Variants in CNOT4 observed in about 807,000 individuals in gnomAD.
The protein encoded by CNOT4 is CCR4-NOT transcription complex subunit 4, also known as CCR4-associated factor 4.
In CNOT4, 8 loss-of-function variants were observed where a neutral mutation model predicts 73.8. That is an observed-to-expected ratio of 0.11 (90% CI 0.06 to 0.20). The LOEUF is 0.20. Ranked by LOEUF, CNOT4 falls within the 10% of genes least tolerant of loss-of-function variation. CNOT4 has a pLI of 1.00. For synonymous variants in CNOT4, 293 were observed against 321.1 expected, an observed-to-expected ratio of 0.91 and a Z score of 0.94; for missense variants, 564 against 883.4, an observed-to-expected ratio of 0.64 and a Z score of 4.58.
chr7:135,425,067 A>G (rs1022315739), intron 2 of CNOT4, among the ~76,000 whole-genome samples: 2 of 152,202 alleles, frequency 1.3e-5, no homozygotes, highest in South Asian at 2.1e-4. Context: ...GCAGAATAAG[A>G]TATTTTTCAA....
intron 6 of CNOT4, among the ~76,000 whole-genome samples, chr7:135,412,625 C>G (rs1052871703): frequency 1.8e-4 from 28 of 151,840 alleles, no homozygotes; most frequent in Non-Finnish European, 3.2e-4. Flanking sequence ...TCTGTACTAG[C>G]TCCAAGTCAA....
chr7:135,406,810 G>GT (rs1207864305), intron 7 of CNOT4, among the ~76,000 whole-genome samples: 1 of 152,138 alleles, frequency 6.6e-6, no homozygotes, highest in Non-Finnish European at 1.5e-5. Context: ...TACCAAAACA[G>GT]TTATGAATGT....
At chr7:135,395,574 T>C (rs1056517570) in intron 9 of CNOT4, 60 bp downstream of exon 9, 2 of 1,522,910 alleles carry the variant, frequency 1.3e-6, no homozygotes, top group Non-Finnish European at 1.8e-6. Flanking sequence ...AGTTTCATGT[T>C]AGTCTGTCAA....
intron 1 of CNOT4, among the ~76,000 whole-genome samples, chr7:135,506,811 GCACTC>G (rs1804402933): frequency 6.6e-6 from 1 of 150,936 alleles, no homozygotes. Context: ...TCGCACCACT[GCACTC>G]CAGCCTGAGT....
At chr7:135,426,008 G>A (rs1464481376) in intron 2 of CNOT4, among the ~76,000 whole-genome samples, 1 of 151,588 alleles carries the variant, frequency 6.6e-6, no homozygotes, top group African/African-American at 2.4e-5. Flanking sequence ...TAGGAGGATT[G>A]CAAGACAGCC....
At chr7:135,399,887 T>C (rs1446536210) in intron 7 of CNOT4, among the ~76,000 whole-genome samples, 2 of 152,078 alleles carry the variant, frequency 1.3e-5, no homozygotes, top group African/African-American at 4.8e-5. Flanking sequence ...CCACTAAGTT[T>C]AGAAGTATTT....
chr7:135,370,779 A>C (rs1419442124), intron 10 of CNOT4, among the ~76,000 whole-genome samples: 1 of 152,190 alleles, frequency 6.6e-6, no homozygotes, highest in Non-Finnish European at 1.5e-5. Flanking sequence ...CTCTCCAAAA[A>C]GATGCAAAGC....
At chr7:135,437,252 C>T (rs1799210769) in intron 2 of CNOT4, among the ~76,000 whole-genome samples, 1 of 151,704 alleles carries the variant, frequency 6.6e-6, no homozygotes, top group Non-Finnish European at 1.5e-5. Flanking sequence ...TGCTGTGGCA[C>T]GATCTCGGCT....
intron 2 of CNOT4, among the ~76,000 whole-genome samples, chr7:135,428,696 G>C (rs964270943): frequency 1.3e-5 from 2 of 151,886 alleles, no homozygotes; most frequent in African/African-American, 4.8e-5. Context: ...AAGAGATTAA[G>C]AGACATAGAA....
chr7:135,417,958 C>A (rs1368764738), intron 3 of CNOT4, among the ~76,000 whole-genome samples: 2 of 152,210 alleles, frequency 1.3e-5, no homozygotes, highest in East Asian at 3.8e-4. Context: ...GCACACAACA[C>A]TTCTCATATT....
chr7:135,388,991 T>C, intron 10 of CNOT4: 3 of 1,141,314 alleles, frequency 2.6e-6, no homozygotes, highest in East Asian at 2.6e-5. Flanking sequence ...GATACATATA[T>C]AAAATACATG....
At chr7:135,373,217 T>C (rs983640955) in intron 10 of CNOT4, among the ~76,000 whole-genome samples, 2 of 152,344 alleles carry the variant, frequency 1.3e-5, no homozygotes, top group African/African-American at 4.8e-5. Flanking sequence ...AAGCTATGTT[T>C]TGAATAAGGG....
At chr7:135,403,489 C>T (rs909501878) in intron 7 of CNOT4, among the ~76,000 whole-genome samples, 9 of 152,244 alleles carry the variant, frequency 5.9e-5, no homozygotes, top group African/African-American at 1.7e-4. Flanking sequence ...TGTAGCACTA[C>T]GTGCCTATAG....
At chr7:135,437,139 T>C (rs190182585) in intron 2 of CNOT4, among the ~76,000 whole-genome samples, 58 of 152,274 alleles carry the variant, frequency 3.8e-4, no homozygotes, top group African/African-American at 1.2e-3. Flanking sequence ...ATAAAACCCA[T>C]AGAATATTAA....
intron 10 of CNOT4, chr7:135,384,445 C>G (rs1179515014): frequency 4.5e-6 from 2 of 442,620 alleles, no homozygotes; most frequent in Admixed American, 7.5e-5. Flanking sequence ...CCACCACGCC[C>G]AGCTAATTTT....
At chr7:135,455,382 G>A (rs1326376436) in intron 1 of CNOT4, among the ~76,000 whole-genome samples, 1 of 151,930 alleles carries the variant, frequency 6.6e-6, no homozygotes, top group Non-Finnish European at 1.5e-5. Context: ...GAAAATAATG[G>A]TCAATACATA....
At chr7:135,421,503 G>GA (rs1182908851) in intron 3 of CNOT4, among the ~76,000 whole-genome samples, 1 of 152,112 alleles carries the variant, frequency 6.6e-6, no homozygotes, top group Admixed American at 6.5e-5. Context: ...GGGCCTCAAG[G>GA]AAAGTATGAG....
At chr7:135,435,837 C>A (rs1799122453) in intron 2 of CNOT4, among the ~76,000 whole-genome samples, 1 of 152,278 alleles carries the variant, frequency 6.6e-6, no homozygotes, top group African/African-American at 2.4e-5. Flanking sequence ...CCTAGTTCCT[C>A]CAGAATGTTT....
intron 5 of CNOT4, among the ~76,000 whole-genome samples, chr7:135,413,947 A>G (rs1022012760): frequency 1.3e-5 from 2 of 151,998 alleles, no homozygotes; most frequent in Non-Finnish European, 2.9e-5. Context: ...CCTTTTTCTA[A>G]TTATGCCATC....
Sources: gnomAD v4.1 joint callset for allele counts (sites outside exome capture counted in the v4.1 genomes callset) on GRCh38, gnomAD v4.1.1 for gene constraint, MANE v1.5 for transcripts, NCBI Gene and HGNC (gene_info 2026-07-23, HGNC 2026-07-21) for gene names.